FBXL17: variants seen among roughly 807,000 people sequenced by gnomAD.
FBXL17 encodes the protein F-box and leucine rich repeat protein 17, also known as F-box/LRR-repeat protein 17.
Under a neutral mutation model 66.2 loss-of-function variants are expected in FBXL17, and 22 were observed. The ratio of observed to expected loss-of-function variants is 0.33; its 90% CI spans 0.24 to 0.47. The LOEUF is 0.47. FBXL17 is among the 20% of genes least tolerant of loss of function. The probability of loss-of-function intolerance (pLI) is 1.00; values close to 1 mark genes in which losing one functional copy is unlikely to be tolerated. For missense variants in FBXL17, 878 were observed against 948.2 expected (o/e 0.93, Z 0.97); for synonymous variants, 474 against 400.5 (o/e 1.18, Z -2.19).
At chr5:108,135,830 T>C (rs372637670) in intron 6 of FBXL17, among the ~76,000 whole-genome samples, 1 of 152,122 alleles carries the variant, frequency 6.6e-6, no homozygotes, top group Non-Finnish European at 1.5e-5. Context: ...TGATCTCCCA[T>C]AAAATGAAAT....
intron 7 of FBXL17, among the ~76,000 whole-genome samples, chr5:107,990,697 A>C (rs1160156442): frequency 6.6e-6 from 1 of 152,196 alleles, no homozygotes; most frequent in Non-Finnish European, 1.5e-5. Flanking sequence ...ACTATTATGA[A>C]TAATTATTTA....
intron 6 of FBXL17, among the ~76,000 whole-genome samples, chr5:108,131,037 G>C (rs1750914240): frequency 6.6e-6 from 1 of 151,930 alleles, no homozygotes; most frequent in African/African-American, 2.4e-5. Flanking sequence ...ACATCTCTAA[G>C]CAATTCTCAA....
intron 8 of FBXL17, chr5:107,878,256 TTG>T (rs1399057817): frequency 2.1e-6 from 2 of 961,924 alleles, no homozygotes; most frequent in Non-Finnish European, 2.5e-6. Flanking sequence ...TTCTTTTTAA[TTG>T]TCTTTCAAAA....
intron 8 of FBXL17, among the ~76,000 whole-genome samples, chr5:107,866,293 AAT>A (rs1239448759): frequency 6.6e-6 from 1 of 152,160 alleles, no homozygotes; most frequent in Non-Finnish European, 1.5e-5. Flanking sequence ...ATTTTTTTTT[AAT>A]ATAAGAAAGA....
intron 6 of FBXL17, among the ~76,000 whole-genome samples, chr5:108,165,116 A>G (rs1307421815): frequency 6.6e-6 from 1 of 152,210 alleles, no homozygotes; most frequent in Non-Finnish European, 1.5e-5. Context: ...ATAGGAGTAA[A>G]AATTGGAAAT....
At chr5:107,960,588 C>A (rs1175351108) in intron 7 of FBXL17, among the ~76,000 whole-genome samples, 3 of 152,124 alleles carry the variant, frequency 2.0e-5, no homozygotes. Context: ...TAAATGAGAT[C>A]ATGCAGTATT....
At chr5:108,009,290 T>TAGATAGATAGATAGATAGAGAGATAG (rs1287152827) in intron 7 of FBXL17, among the ~76,000 whole-genome samples, 1 of 54,716 alleles carries the variant, frequency 1.8e-5, no homozygotes, top group Non-Finnish European at 3.1e-5. Context: ...TATATATATA[T>TAGATAGATAGATAGATAGAGAGATAG]ATATATATAT....
intron 7 of FBXL17, among the ~76,000 whole-genome samples, chr5:107,963,648 A>G (rs1752005931): frequency 6.6e-6 from 1 of 152,188 alleles, no homozygotes; most frequent in Admixed American, 6.6e-5. Flanking sequence ...GTGATAAAGT[A>G]TGTAAAATAC....
intron 6 of FBXL17, among the ~76,000 whole-genome samples, chr5:108,052,112 C>CAAAAAAAAAA (rs144705189): frequency 1.1e-4 from 11 of 102,184 alleles, no homozygotes; most frequent in Non-Finnish European, 1.3e-4. Context: ...GACTTCGTCT[C>CAAAAAAAAAA]AAAAAAAAAA....
At chr5:108,022,151 AT>A (rs983461333) in intron 6 of FBXL17, among the ~76,000 whole-genome samples, 1 of 151,882 alleles carries the variant, frequency 6.6e-6, no homozygotes, top group Non-Finnish European at 1.5e-5. Flanking sequence ...AATGATAAAC[AT>A]TTCAAATTTC....
chr5:108,114,786 T>C (rs1297848191), intron 6 of FBXL17, among the ~76,000 whole-genome samples: 5 of 152,284 alleles, frequency 3.3e-5, no homozygotes, highest in African/African-American at 9.6e-5. Flanking sequence ...TTTAAATTCT[T>C]AGGGTGAACA....
intron 4 of FBXL17, among the ~76,000 whole-genome samples, chr5:108,259,004 A>G (rs566413226): frequency 6.6e-6 from 1 of 152,162 alleles, no homozygotes; most frequent in African/African-American, 2.4e-5. Context: ...TCATAGTGAA[A>G]GCAATTATAC....
intron 4 of FBXL17, among the ~76,000 whole-genome samples, chr5:108,276,046 AAAGT>A (rs763339636): frequency 1.4e-4 from 22 of 152,208 alleles, no homozygotes; most frequent in Non-Finnish European, 2.9e-4. Flanking sequence ...AAAAAGAAAG[AAAGT>A]AAATGTAATC....
chr5:108,243,196 C>T lies in FBXL17; in HGVS notation c.1507-18968G>A, dbSNP rs141245813. ...AAAGACATTGGTCTACAACTAATGA[C>T]ACAGAGATCTGTCCCTATTAAAAAG... is the stretch of plus-strand genomic sequence containing the variant. On this transcript the variant is annotated intron_variant, in intron 4 of 8. Coordinates refer to ENST00000542267, the MANE Select transcript of FBXL17 (RefSeq NM_001163315.3). Among the ~76,000 whole-genome samples, 424 of 152,236 alleles carry T rather than the reference C, an allele frequency of 2.8e-3. 4 individuals are homozygous for T. The highest frequency in any genetic ancestry group is 9.6e-3 in the African/African-American group (400 of 41,544).
intron 7 of FBXL17, among the ~76,000 whole-genome samples, chr5:107,985,457 G>A (rs538593699): frequency 6.6e-6 from 1 of 152,070 alleles, no homozygotes; most frequent in East Asian, 1.9e-4. Context: ...AGAACATTCT[G>A]TCTTTTCTGC....
At chr5:108,272,245 C>T (rs960411557) in intron 4 of FBXL17, among the ~76,000 whole-genome samples, 2 of 151,830 alleles carry the variant, frequency 1.3e-5, no homozygotes, top group African/African-American at 2.4e-5. Flanking sequence ...GACCCGAGAT[C>T]GCGCCACCGC....
At chr5:108,272,569 A>C (rs1489438199) in intron 4 of FBXL17, among the ~76,000 whole-genome samples, 1 of 151,978 alleles carries the variant, frequency 6.6e-6, no homozygotes, top group African/African-American at 2.4e-5. Flanking sequence ...GGCCAAGCTT[A>C]TCTCAAACTC....
chr5:108,032,200 T>C (rs1479093960), intron 6 of FBXL17, among the ~76,000 whole-genome samples: 1 of 152,156 alleles, frequency 6.6e-6, no homozygotes, highest in African/African-American at 2.4e-5. Context: ...ATATTTGACA[T>C]ATGCAAGAAA....
chr5:108,056,824 T>C (rs1302297382), intron 6 of FBXL17, among the ~76,000 whole-genome samples: 2 of 152,200 alleles, frequency 1.3e-5, no homozygotes, highest in Non-Finnish European at 1.5e-5. Context: ...ACAGCTTTTC[T>C]CAAAAATACA....
Sources: allele counts gnomAD v4.1 joint callset (sites outside exome capture counted in the v4.1 genomes callset), GRCh38; gene constraint gnomAD v4.1.1; transcripts MANE v1.5; gene names NCBI Gene and HGNC (gene_info 2026-07-23, HGNC 2026-07-21).